Variants in FSHR observed in about 807,000 individuals in gnomAD.
FSHR encodes the protein follicle stimulating hormone receptor.
Under a neutral mutation model 52.1 loss-of-function variants are expected in FSHR, and 46 were observed. The observed-to-expected ratio is 0.88, with a 90% CI of 0.70 to 1.13. The LOEUF (loss-of-function observed/expected upper bound fraction) is 1.13. FSHR is among the 50% of genes most tolerant of loss of function. The pLI, the probability that FSHR is intolerant of heterozygous loss-of-function variation, is 0.00. For missense variants in FSHR, 964 were observed against 834.6 expected (o/e 1.16, Z -1.91); for synonymous variants, 399 against 309.6 (o/e 1.29, Z -3.03).
intron 9 of FSHR, among the ~76,000 whole-genome samples, chr2:48,965,719 T>C (rs1674451412): frequency 6.6e-6 from 1 of 152,214 alleles, no homozygotes; most frequent in Non-Finnish European, 1.5e-5. Context: ...AGGTTCTTAT[T>C]GTTGATACTG....
At position 48,962,495 on chromosome 2, in the gene FSHR, T is replaced by A. The variant is rs1263128727; in HGVS notation, c.*238A>T. 5.8e-6 allele frequency: 3 copies of A among 515,258 alleles called. No homozygotes were observed. 31.9% of individuals were successfully genotyped at this position (515,258 alleles called of 1,614,324 possible). A position where few individuals can be genotyped will look rare whatever the true frequency, so the allele number is the denominator to read the frequency against. On this transcript the variant is annotated 3_prime_UTR_variant, in exon 10 of 10. Transcript: ENST00000406846. Reference sequence around the variant, plus strand: ...ACATAACGTGCAAAAATAACATATATAAGGATAAAATATGTAATACAGTAT... The same window carrying A: ...ACATAACGTGCAAAAATAACATATAAAAGGATAAAATATGTAATACAGTAT...
intron 8 of FSHR, among the ~76,000 whole-genome samples, chr2:48,977,780 G>A (rs985423119): frequency 4.6e-5 from 7 of 152,128 alleles, no homozygotes; most frequent in African/African-American, 1.7e-4. Flanking sequence ...TCCACTAAAT[G>A]TATGTCATGT....
intron 2 of FSHR, among the ~76,000 whole-genome samples, chr2:49,059,419 A>AG (rs1399242828): frequency 1.3e-5 from 2 of 151,950 alleles, no homozygotes; most frequent in Non-Finnish European, 2.9e-5. Flanking sequence ...CTGGGGGAAA[A>AG]AAAAAACAGA....
chr2:49,087,484 A>G (rs916896476), intron 1 of FSHR, among the ~76,000 whole-genome samples: 14 of 152,178 alleles, frequency 9.2e-5, no homozygotes, highest in African/African-American at 3.4e-4. Flanking sequence ...CTAGGCCCTG[A>G]GGACATATGA....
intron 4 of FSHR, among the ~76,000 whole-genome samples, chr2:49,000,029 C>T (rs889878217): frequency 6.6e-6 from 1 of 152,078 alleles, no homozygotes; most frequent in Non-Finnish European, 1.5e-5. Context: ...TCAGTCAGCA[C>T]ACTCCATTCT....
intron 1 of FSHR, among the ~76,000 whole-genome samples, chr2:49,098,083 A>G (rs1342003306): frequency 6.6e-6 from 1 of 152,178 alleles, no homozygotes; most frequent in Non-Finnish European, 1.5e-5. Context: ...AATAAAGATT[A>G]TCCCAAATAA....
intron 2 of FSHR, among the ~76,000 whole-genome samples, chr2:49,026,293 T>A (rs1667907833): frequency 6.6e-6 from 1 of 152,244 alleles, no homozygotes; most frequent in African/African-American, 2.4e-5. Flanking sequence ...AAATTTGACA[T>A]AATATATTTC....
intron 2 of FSHR, among the ~76,000 whole-genome samples, chr2:49,025,017 A>G (rs915412728): frequency 1.3e-5 from 2 of 152,202 alleles, no homozygotes; most frequent in Non-Finnish European, 2.9e-5. Flanking sequence ...TCCTGCTCCC[A>G]GTCAAATGTT....
At chr2:48,982,531 C>CTG (rs1240335418) in intron 8 of FSHR, among the ~76,000 whole-genome samples, 3 of 152,126 alleles carry the variant, frequency 2.0e-5, no homozygotes, top group African/African-American at 7.2e-5. Context: ...TAAATCCCTG[C>CTG]TGTAACTCTT....
chr2:49,006,892 T>G (rs1242688379), intron 4 of FSHR, among the ~76,000 whole-genome samples: 1 of 152,148 alleles, frequency 6.6e-6, no homozygotes, highest in Non-Finnish European at 1.5e-5. Context: ...TTTTTCTTCA[T>G]AGCACCATCA....
At position 48,963,689 on chromosome 2, in the gene FSHR, T is replaced by C; in HGVS notation, c.1132A>G (p.Thr378Ala). The change falls in exon 10 of 10, where the codon ACT becomes GCT. Residue 378 changes from threonine (T) to alanine (A), a missense_variant. Transcript: ENST00000406846. Reference protein sequence around the residue: ...LIWFISILAITGNIIVLVILT... With the variant: ...LIWFISILAIAGNIIVLVILT... ...ATCACTAGCACTATGATGTTCCCAG[T>C]GATGGCCAGGATGCTGATAAACCAT... The C allele has an allele frequency of 6.2e-7, 1 of 1,614,130 alleles. No homozygotes were observed. Among genetic ancestry groups the C allele is most frequent in the Non-Finnish European group, 8.5e-7 (1 of 1,180,004 alleles).
At chr2:49,077,046 G>A (rs1015183046) in intron 1 of FSHR, among the ~76,000 whole-genome samples, 14 of 152,258 alleles carry the variant, frequency 9.2e-5, no homozygotes, top group African/African-American at 3.4e-4. Flanking sequence ...GGAGGATGGT[G>A]GCCGTCTTCT....
At chr2:49,006,062 A>G (rs745340736) in intron 4 of FSHR, among the ~76,000 whole-genome samples, 1 of 152,228 alleles carries the variant, frequency 6.6e-6, no homozygotes, top group East Asian at 1.9e-4. Flanking sequence ...GTCCTTGAAC[A>G]TTAGACTCCA....
intron 1 of FSHR, among the ~76,000 whole-genome samples, chr2:49,151,270 T>A (rs1339121440): frequency 1.3e-5 from 2 of 151,712 alleles, no homozygotes; most frequent in Non-Finnish European, 2.9e-5. Context: ...GCTGCAGGGA[T>A]AATTGCCAGA....
intron 1 of FSHR, among the ~76,000 whole-genome samples, chr2:49,130,553 T>C (rs1672228589): frequency 6.6e-6 from 1 of 152,206 alleles, no homozygotes; most frequent in African/African-American, 2.4e-5. Flanking sequence ...TTAGTGCAAG[T>C]CATTAATTTC....
chr2:48,987,913 G>A (rs1038026409), intron 6 of FSHR, among the ~76,000 whole-genome samples: 1 of 151,334 alleles, frequency 6.6e-6, no homozygotes, highest in Non-Finnish European at 1.5e-5. Context: ...AAATGATTCA[G>A]TATCACTCAC....
chr2:49,101,332 G>C (rs17038224), intron 1 of FSHR, among the ~76,000 whole-genome samples: 35,941 of 151,958 alleles, frequency 0.24, 4,324 homozygotes, highest in Middle Eastern at 0.32. Flanking sequence ...GGAGAGTAGG[G>C]AAGTATAATA....
At chr2:48,991,045 A>C (rs1333048600) in intron 4 of FSHR, among the ~76,000 whole-genome samples, 1 of 152,172 alleles carries the variant, frequency 6.6e-6, no homozygotes, top group Non-Finnish European at 1.5e-5. Context: ...TTAGAGCATG[A>C]GATTCCATGC....
intron 1 of FSHR, among the ~76,000 whole-genome samples, chr2:49,090,481 G>A (rs988844058): frequency 2.6e-5 from 4 of 152,196 alleles, no homozygotes; most frequent in African/African-American, 9.7e-5. Flanking sequence ...GTATTCCACT[G>A]TATGAATATA....
Sources: gnomAD v4.1 joint callset for allele counts (sites outside exome capture counted in the v4.1 genomes callset) on GRCh38, gnomAD v4.1.1 for gene constraint, MANE v1.5 for transcripts, NCBI Gene and HGNC (gene_info 2026-07-23, HGNC 2026-07-21) for gene names.